Variants in SLCO1B3 observed in about 807,000 individuals in gnomAD.
SLCO1B3 encodes liver-specific organic anion transporter 2.
A neutral mutation model predicts 71.8 loss-of-function variants in SLCO1B3; 72 were observed. The observed-to-expected ratio is 1.00, with a 90% CI of 0.83 to 1.22. SLCO1B3 has a LOEUF of 1.22. SLCO1B3 is among the 50% of genes most tolerant of loss of function. The pLI is 0.00. For missense variants in SLCO1B3, 911 were observed against 819.7 expected (o/e 1.11, Z -1.36); for synonymous variants, 298 against 278.4 (o/e 1.07, Z -0.70).
At chr12:20,874,725 GT>G (rs1269281707) in intron 8 of SLCO1B3, among the ~76,000 whole-genome samples, 1 of 152,164 alleles carries the variant, frequency 6.6e-6, no homozygotes, top group Non-Finnish European at 1.5e-5. Context: ...TTCATCCTCT[GT>G]GCTGTCTGGA....
chr12:20,828,645 A>G (rs1015043252), intron 3 of SLCO1B3, among the ~76,000 whole-genome samples: 2 of 150,626 alleles, frequency 1.3e-5, no homozygotes, highest in Middle Eastern at 6.9e-3. Context: ...ACACACACAC[A>G]TACACACACA....
chr12:20,820,022 G>C (rs1049803201), intron 3 of SLCO1B3, among the ~76,000 whole-genome samples: 2 of 152,098 alleles, frequency 1.3e-5, no homozygotes, highest in African/African-American at 4.8e-5. Flanking sequence ...CTAAAAAAGA[G>C]TGCATAAAAG....
At chr12:20,830,937 C>A (rs1010908646) in intron 3 of SLCO1B3, among the ~76,000 whole-genome samples, 1 of 152,140 alleles carries the variant, frequency 6.6e-6, no homozygotes, top group Non-Finnish European at 1.5e-5. Flanking sequence ...CTTTCATGTG[C>A]ATAGCAAAGT....
chr12:20,892,542 A>G (rs376532760), intron 13 of SLCO1B3, among the ~76,000 whole-genome samples: 1 of 152,180 alleles, frequency 6.6e-6, no homozygotes, highest in South Asian at 2.1e-4. Context: ...TTTAACCAGG[A>G]CACAGAGTTT....
chr12:20,904,725 C>T (rs185453059), intron 15 of SLCO1B3, among the ~76,000 whole-genome samples: 74 of 149,218 alleles, frequency 5.0e-4, no homozygotes, highest in Non-Finnish European at 7.8e-4. Context: ...GGCTCCACCC[C>T]TGCAGCAGAC....
intron 9 of SLCO1B3, 23 bp downstream of exon 9, chr12:20,875,500 C>A: frequency 6.3e-7 from 1 of 1,586,460 alleles, no homozygotes; most frequent in South Asian, 1.2e-5. Flanking sequence ...CATTCATTGT[C>A]AACTTGGAAT....
intron 15 of SLCO1B3, 34 bp from the exon 16 acceptor site, chr12:20,915,970 A>G: frequency 6.6e-7 from 1 of 1,523,122 alleles, no homozygotes; most frequent in South Asian, 1.2e-5. Flanking sequence ...CACATTTAAA[A>G]TAATAATCGA....
chr12:20,819,501 C>T (rs1045726223), intron 3 of SLCO1B3, among the ~76,000 whole-genome samples: 1 of 152,042 alleles, frequency 6.6e-6, no homozygotes, highest in Non-Finnish European at 1.5e-5. Context: ...TGTTTGAGAT[C>T]CAGAACAGAA....
At chr12:20,911,387 T>A (rs1866371728) in intron 15 of SLCO1B3, among the ~76,000 whole-genome samples, 1 of 152,184 alleles carries the variant, frequency 6.6e-6, no homozygotes, top group African/African-American at 2.4e-5. Flanking sequence ...TTGTGAGATG[T>A]ATCGCTCTGT....
chr12:20,887,808 G>A (rs187724084), intron 13 of SLCO1B3, among the ~76,000 whole-genome samples: 88 of 151,230 alleles, frequency 5.8e-4, no homozygotes, highest in Admixed American at 2.0e-3. Context: ...CTAGATCATT[G>A]TCCAGAAAAG....
intron 3 of SLCO1B3, among the ~76,000 whole-genome samples, chr12:20,823,426 A>G (rs1423521411): frequency 6.6e-6 from 1 of 152,202 alleles, no homozygotes; most frequent in Non-Finnish European, 1.5e-5. Flanking sequence ...ATAAAAACTG[A>G]TAAACCTTAG....
chr12:20,875,586 C>T, intron 9 of SLCO1B3, 109 bp downstream of exon 9: 2 of 1,136,754 alleles, frequency 1.8e-6, no homozygotes, highest in South Asian at 2.9e-5. Flanking sequence ...CAGCTTTCTT[C>T]TCTGCTAAAT....
chr12:20,902,643 T>A lies in SLCO1B3; in HGVS notation c.1865+1176T>A, dbSNP rs373811984. Among the ~76,000 whole-genome samples, 4 of 152,034 alleles carry A rather than the reference T, an allele frequency of 2.6e-5. No homozygotes were observed. In the South Asian group the frequency reaches 6.2e-4, roughly 24 times the overall value. On this transcript the variant is annotated intron_variant, in intron 15 of 15. Transcript: ENST00000381545. ...AGAGAAAGAGAACAAGAACAGATAA[T>A]AAAATATTTTAAAAACTGCATTACA...
At position 20,813,644 on chromosome 12, in the gene SLCO1B3, T is replaced by C. The variant is rs1470522328; in HGVS notation, c.-66+6T>C. 1 of 152,174 alleles carries C rather than the reference T, an allele frequency of 6.6e-6. No individual in the cohort carries two copies. The highest frequency in any genetic ancestry group is 1.5e-5 in the Non-Finnish European group (1 of 68,030). 9.4% of individuals were successfully genotyped at this position (152,174 alleles called of 1,614,324 possible). Reference sequence around the variant, plus strand: ...AGAAGAGGTACATATGCTATGTAAGTTTCCCTCAGGCATGAACTACAGTGC... The same window carrying C: ...AGAAGAGGTACATATGCTATGTAAGCTTCCCTCAGGCATGAACTACAGTGC... On this transcript the variant is annotated splice_donor_region_variant and intron_variant, in intron 2 of 15. Transcript: ENST00000381545.
At chr12:20,915,226 C>T (rs1866467923) in intron 15 of SLCO1B3, among the ~76,000 whole-genome samples, 1 of 151,858 alleles carries the variant, frequency 6.6e-6, no homozygotes, top group African/African-American at 2.4e-5. Flanking sequence ...TTGATATAAA[C>T]TTAGAGATTG....
Position 20,886,040 on chromosome 12 carries a change from C to T in SLCO1B3, c.1682+2438C>T, listed in dbSNP as rs1865786569. ...AGTGGGAAGATATTTGTGCTTCATT[C>T]TTTGTTTTGTTTTGTTTTCTAAGGC... On this transcript the variant is annotated intron_variant, in intron 13 of 15. Transcript: ENST00000381545. 1.3e-5 allele frequency among the ~76,000 whole-genome samples: 2 copies of T among 151,938 alleles called. 1 individual carries two copies. Among genetic ancestry groups the T allele is most frequent in the Admixed American group, 1.3e-4 (2 of 15,236 alleles).
intron 8 of SLCO1B3, among the ~76,000 whole-genome samples, chr12:20,867,961 C>G (rs1405589199): frequency 2.0e-5 from 3 of 152,164 alleles, no homozygotes; most frequent in African/African-American, 7.2e-5. Context: ...CCCCTTCCTC[C>G]TCCTCTACCT....
chr12:20,911,487 T>G (rs1866374536), intron 15 of SLCO1B3, among the ~76,000 whole-genome samples: 1 of 152,180 alleles, frequency 6.6e-6, no homozygotes, highest in African/African-American at 2.4e-5. Flanking sequence ...CTGCTTCTAT[T>G]CCTCTGTAGG....
chr12:20,884,267 A>G (rs1865750106), intron 13 of SLCO1B3, among the ~76,000 whole-genome samples: 1 of 152,170 alleles, frequency 6.6e-6, no homozygotes, highest in African/African-American at 2.4e-5. Context: ...AAAAATAAAC[A>G]CATAATTACA....
Sources: allele counts gnomAD v4.1 joint callset (sites outside exome capture counted in the v4.1 genomes callset), GRCh38; gene constraint gnomAD v4.1.1; transcripts MANE v1.5; gene names NCBI Gene and HGNC (gene_info 2026-07-23, HGNC 2026-07-21).